SORCS1: variants seen among roughly 807,000 people sequenced by gnomAD.
The protein encoded by SORCS1 is VPS10 domain-containing receptor SorCS1.
Under a neutral mutation model 146.1 loss-of-function variants are expected in SORCS1, and 60 were observed. That is an observed-to-expected ratio of 0.41 (90% CI 0.33 to 0.51). The LOEUF (loss-of-function observed/expected upper bound fraction) is 0.51, where lower values mean the gene tolerates loss of function less well. SORCS1 is among the 20% of genes least tolerant of loss of function. The pLI is 0.21. For synonymous variants in SORCS1, 637 were observed against 584.0 expected (o/e 1.09, Z -1.31); for missense variants, 1,352 against 1,487.6 (o/e 0.91, Z 1.50).
chr10:106,722,048 C>T (rs541484986), intron 6 of SORCS1, among the ~76,000 whole-genome samples: 4 of 150,404 alleles, frequency 2.7e-5, no homozygotes, highest in Admixed American at 6.7e-5. Flanking sequence ...TGTAAGTATA[C>T]GTGTCTATAC....
intron 1 of SORCS1, among the ~76,000 whole-genome samples, chr10:106,977,168 G>A (rs980816065): frequency 6.6e-5 from 10 of 152,104 alleles, no homozygotes; most frequent in South Asian, 6.2e-4. Flanking sequence ...GTATAAAAGC[G>A]TTCCTATTTC....
chr10:106,652,401 A>C lies in SORCS1; in HGVS notation c.2456T>G (p.Leu819Arg). The change falls in exon 18 of 26, where the codon CTC becomes CGC. Residue 819 changes from leucine (L) to arginine (R), a missense_variant. This residue lies in a region of SORCS1 where 648 missense variants were observed against 793.8 expected (regional missense o/e 0.82). Transcript: ENST00000263054. Reference sequence around the variant, plus strand: ...TCCTACCTCTTCTAATTGCACCATGAGAGTGACGTTGTGTCCTTGTTCCGC... The same window carrying C: ...TCCTACCTCTTCTAATTGCACCATGCGAGTGACGTTGTGTCCTTGTTCCGC... ...LTAEQGHNVT[L>R]MVQLEEGDVQ... 6.2e-7 allele frequency: 1 copy of C among 1,614,122 alleles called. No individual in the cohort carries two copies. The highest frequency in any genetic ancestry group is 8.5e-7 in the Non-Finnish European group (1 of 1,179,954).
At chr10:106,610,655 C>T (rs1303832507) in intron 22 of SORCS1, among the ~76,000 whole-genome samples, 1 of 152,120 alleles carries the variant, frequency 6.6e-6, no homozygotes, top group East Asian at 1.9e-4. Flanking sequence ...TTCAGCAAAC[C>T]TAAACTGATT....
intron 1 of SORCS1, among the ~76,000 whole-genome samples, chr10:107,034,862 G>A (rs1386530162): frequency 6.6e-6 from 1 of 151,686 alleles, no homozygotes; most frequent in Non-Finnish European, 1.5e-5. Context: ...TAAACGGTAT[G>A]TTTTATTTTC....
intron 3 of SORCS1, among the ~76,000 whole-genome samples, chr10:106,787,828 C>T (rs1354019728): frequency 6.6e-6 from 1 of 152,146 alleles, no homozygotes; most frequent in East Asian, 1.9e-4. Flanking sequence ...ATTATAAAAG[C>T]TCCAATTCTG....
chr10:106,955,498 A>G (rs1954893961), intron 2 of SORCS1, among the ~76,000 whole-genome samples: 1 of 152,242 alleles, frequency 6.6e-6, no homozygotes, highest in African/African-American at 2.4e-5. Flanking sequence ...GCAAAACTCA[A>G]GCAGAGGCAC....
Position 106,964,733 on chromosome 10 carries a change from G to T in SORCS1, c.559-8153C>A, listed in dbSNP as rs376711147. Among the ~76,000 whole-genome samples the T allele has an allele frequency of 4.6e-5, 7 of 151,884 alleles. No individual in the cohort carries two copies. The East Asian group carries it at 1.4e-3, about 29-fold the overall frequency. ...GATCTCCTGACCTCCTTATCTGCCT[G>T]CCTTGCCCTCCCAAAGTGCTGGGAT... is the stretch of plus-strand genomic sequence containing the variant. On this transcript the variant is annotated intron_variant, in intron 1 of 25. Coordinates refer to ENST00000263054, the MANE Select transcript of SORCS1 (RefSeq NM_052918.5).
chr10:106,988,999 A>T lies in SORCS1; in HGVS notation c.559-32419T>A, dbSNP rs533991016. Among the ~76,000 whole-genome samples, 169 of 151,642 alleles carry T rather than the reference A, an allele frequency of 1.1e-3. 1 individual carries two copies. The highest frequency in any genetic ancestry group is 3.0e-3 in the African/African-American group (125 of 41,364). ...GTGCCTCCCAGGCACGGTGGCTCAC[A>T]CCCGTAATCCCAGCACTTTGAGAGG... is the stretch of plus-strand genomic sequence containing the variant. On this transcript the variant is annotated intron_variant, in intron 1 of 25. Transcript: ENST00000263054.
chr10:106,665,378 TTCTC>T (rs759329310), intron 17 of SORCS1, among the ~76,000 whole-genome samples: 18 of 149,932 alleles, frequency 1.2e-4, no homozygotes, highest in Admixed American at 3.3e-4. Context: ...CCCTTTTTTT[TTCTC>T]TCTCTCTTTT....
At chr10:106,682,734 GTGCTGAGTACCTACATA>G (rs1852534292) in intron 10 of SORCS1, among the ~76,000 whole-genome samples, 1 of 152,116 alleles carries the variant, frequency 6.6e-6, no homozygotes, top group Non-Finnish European at 1.5e-5. Flanking sequence ...TAGCAAATAT[GTGCTGAGTACCTACATA>G]TGCTAATAGT....
intron 8 of SORCS1, among the ~76,000 whole-genome samples, chr10:106,700,370 T>A (rs1350765660): frequency 6.6e-6 from 1 of 152,188 alleles, no homozygotes; most frequent in Non-Finnish European, 1.5e-5. Context: ...CTAGCCTGCA[T>A]TTTACCCTTT....
chr10:106,714,681 A>G (rs996330355), intron 6 of SORCS1, among the ~76,000 whole-genome samples: 1 of 152,236 alleles, frequency 6.6e-6, no homozygotes, highest in Non-Finnish European at 1.5e-5. Context: ...AAAGATATAT[A>G]TGAGATGTCA....
At chr10:106,702,095 C>T (rs909053856) in intron 8 of SORCS1, among the ~76,000 whole-genome samples, 2 of 152,086 alleles carry the variant, frequency 1.3e-5, no homozygotes, top group Non-Finnish European at 1.5e-5. Context: ...TTCTTTGAAC[C>T]AGGAGAAGCT....
intron 1 of SORCS1, among the ~76,000 whole-genome samples, chr10:106,986,205 G>GAT (rs899478427): frequency 2.6e-5 from 4 of 151,600 alleles, no homozygotes; most frequent in Non-Finnish European, 5.9e-5. Flanking sequence ...ACATATACAT[G>GAT]ATATATATGT....
intron 24 of SORCS1, 86 bp from the exon 25 acceptor site, chr10:106,579,560 G>T: frequency 7.4e-7 from 1 of 1,353,900 alleles, no homozygotes; most frequent in Non-Finnish European, 1.0e-6. Context: ...TCACACACAA[G>T]CAGAGGTAAG....
intron 1 of SORCS1, among the ~76,000 whole-genome samples, chr10:106,973,518 A>G (rs1485060709): frequency 6.6e-6 from 1 of 152,200 alleles, no homozygotes; most frequent in Admixed American, 6.5e-5. Flanking sequence ...TGTTCACAAC[A>G]TGGAATAAGA....
chr10:106,581,562 G>A (rs1564741867), intron 24 of SORCS1, among the ~76,000 whole-genome samples: 1 of 151,892 alleles, frequency 6.6e-6, no homozygotes, highest in Admixed American at 6.6e-5. Context: ...ATGCATATGT[G>A]TATATATATG....
intron 1 of SORCS1, among the ~76,000 whole-genome samples, chr10:107,045,947 A>AT (rs796678066): frequency 1.8e-4 from 26 of 146,454 alleles, no homozygotes; most frequent in South Asian, 2.2e-4. Context: ...ACCATGCCTA[A>AT]TTTTTTTTTT....
intron 6 of SORCS1, among the ~76,000 whole-genome samples, chr10:106,729,838 T>C (rs973530155): frequency 1.3e-5 from 2 of 152,194 alleles, no homozygotes; most frequent in Non-Finnish European, 2.9e-5. Flanking sequence ...TGTGCCTGCC[T>C]ACCTATCCTT....
Sources: allele counts gnomAD v4.1 joint callset (sites outside exome capture counted in the v4.1 genomes callset), GRCh38; gene constraint gnomAD v4.1.1; regional missense constraint gnomAD v4.1.1; transcripts MANE v1.5; gene names NCBI Gene and HGNC (gene_info 2026-07-23, HGNC 2026-07-21).